KIF26B: variants seen among roughly 807,000 people sequenced by gnomAD.
KIF26B encodes kinesin-like protein KIF26B.
In KIF26B, 63 loss-of-function variants were observed where a neutral mutation model predicts 151.2. The ratio of observed to expected loss-of-function variants is 0.42; its 90% CI spans 0.34 to 0.51. KIF26B has a LOEUF of 0.51. Ranked by LOEUF, KIF26B falls within the 20% of genes least tolerant of loss-of-function variation. The probability of loss-of-function intolerance (pLI) is 0.07; values close to 1 mark genes in which losing one functional copy is unlikely to be tolerated. For synonymous variants in KIF26B, 1,357 were observed against 1,262.1 expected (o/e 1.08, Z -1.59); for missense variants, 2,813 against 2,913.6 (o/e 0.97, Z 0.79).
At position 245,698,930 on chromosome 1, in the gene KIF26B, G is replaced by A. The variant is rs199933797; in HGVS notation, c.6071G>A (p.Arg2024His). 9.1e-5 allele frequency: 147 copies of A among 1,614,008 alleles called. No individual in the cohort carries two copies. The highest frequency in any genetic ancestry group is 1.6e-4 in the Middle Eastern group (1 of 6,062). The change falls in exon 14 of 15, where the codon CGC becomes CAC. Residue 2024 changes from arginine to histidine, a missense_variant. Arg to His is a conservative substitution (Grantham distance 29, BLOSUM62 0). Around this residue, in one of 3 missense-constraint regions of KIF26B, gnomAD observed 2,060 missense variants for 2,088.6 expected, o/e 0.99. Coordinates refer to ENST00000407071, the MANE Select transcript of KIF26B (RefSeq NM_018012.4). This position sits in a 1 kb window ranked among gnomAD's most constrained non-coding sequence, Gnocchi z 4.0. ...FNAKLKILEH[R>H]QQRIAEVRAK... ...GCAAAGCTGAAGATTCTGGAACACC[G>A]CCAGCAGAGGATCGCCGAGGTCCGC...
chr1:245,179,734 C>T (rs1288451093), intron 2 of KIF26B, among the ~76,000 whole-genome samples: 1 of 152,172 alleles, frequency 6.6e-6, no homozygotes, highest in East Asian at 1.9e-4. Context: ...AAGGCTGTGG[C>T]ACAAGAGTGG....
Position 245,521,896 on chromosome 1 carries a change from T to C in KIF26B, c.1167-18871T>C, listed in dbSNP as rs532116857. 4.6e-3 allele frequency among the ~76,000 whole-genome samples: 686 copies of C among 148,478 alleles called. 3 individuals carry two copies. The highest frequency in any genetic ancestry group is 6.8e-3 in the Non-Finnish European group (446 of 65,822). ...TTTTTTTTGTTTTGAGATGGAGTCT[T>C]GCTCTGTCACCCAGGCTGGATGGAG... On this transcript the variant is annotated intron_variant, in intron 4 of 14. Transcript: ENST00000407071.
chr1:245,612,015 T>A (rs375429744), intron 9 of KIF26B, 39 bp downstream of exon 9: 100 of 1,595,186 alleles, frequency 6.3e-5, no homozygotes, highest in Non-Finnish European at 8.2e-5. Context: ...CCTTAGCGGC[T>A]CTGGCCCCAG....
At chr1:245,586,199 T>TGTG (rs1440046570) in intron 5 of KIF26B, among the ~76,000 whole-genome samples, 174 of 118,768 alleles carry the variant, frequency 1.5e-3, no homozygotes, top group African/African-American at 4.1e-3. Context: ...GTGTGTGTGT[T>TGTG]TGTTTTAATA....
chr1:245,653,814 C>A (rs1572180560), intron 10 of KIF26B, among the ~76,000 whole-genome samples: 4 of 152,288 alleles, frequency 2.6e-5, no homozygotes, highest in African/African-American at 9.6e-5. Flanking sequence ...AATCTCAGCA[C>A]TTTGGAAGGC....
At chr1:245,632,209 C>T (rs555637624) in intron 9 of KIF26B, among the ~76,000 whole-genome samples, 3 of 152,068 alleles carry the variant, frequency 2.0e-5, no homozygotes, top group African/African-American at 7.2e-5. Flanking sequence ...TGTTGTATCC[C>T]GTAGGTTTAG....
rs1327722902 is a variant in KIF26B at position 245,564,550 on chromosome 1, T to G, written c.1350+23600T>G. The stretch of plus-strand genomic sequence containing the variant: ...ATTCAAAAGGATAAGAAGGACTCCT[T>G]TCACTGTGCATCTTTAGACGAAGCA... On this transcript the variant is annotated intron_variant, in intron 5 of 14. Transcript: ENST00000407071. This position sits in a 1 kb window ranked among gnomAD's most constrained non-coding sequence, Gnocchi z 4.6. 1.3e-5 allele frequency among the ~76,000 whole-genome samples: 2 copies of G among 152,144 alleles called. No homozygotes were observed. Among genetic ancestry groups the G allele is most frequent in the African/African-American group, 4.8e-5 (2 of 41,408 alleles).
chr1:245,276,018 G>T (rs6658420), intron 2 of KIF26B, among the ~76,000 whole-genome samples: 93,074 of 151,996 alleles, frequency 0.61, 29,555 homozygotes, highest in African/African-American at 0.78. Context: ...CTATTGTATG[G>T]GAAAATTTGC....
At position 245,352,658 on chromosome 1, in the gene KIF26B, A is replaced by AT. The variant is rs58848647; in HGVS notation, c.466-14169dup. Among the ~76,000 whole-genome samples the AT allele has an allele frequency of 0.053, 8,067 of 152,218 alleles. 313 individuals are homozygous for AT. The highest frequency in any genetic ancestry group is 0.11 in the African/African-American group (4,495 of 41,508). On this transcript the variant is annotated intron_variant, in intron 2 of 14. Coordinates refer to ENST00000407071, the MANE Select transcript of KIF26B (RefSeq NM_018012.4). This position sits in a 1 kb window ranked among gnomAD's most constrained non-coding sequence, Gnocchi z 5.0. ...GGACCACAACAATCACTTTACGAAC[A>AT]TTTTTTTAACTTTTTCAGAATCGAT...
chr1:245,316,083 C>T (rs1392412167), intron 2 of KIF26B, among the ~76,000 whole-genome samples: 4 of 151,954 alleles, frequency 2.6e-5, no homozygotes, highest in East Asian at 1.9e-4. Context: ...AGTGGATGAC[C>T]GCACTGCAAG....
rs747644735 is a variant in KIF26B, at chr1:245,688,218, G to A, written c.5235G>A (p.Ala1745=). 2 of 1,588,162 alleles carry A rather than the reference G, an allele frequency of 1.3e-6. No homozygotes were observed. The highest frequency in any genetic ancestry group is 2.2e-5 in the East Asian group (1 of 44,472). ...GACTCCTCCTGGCCAGCCCCAGAGC[G>A]CGCGGCCCGTCCGCCTCCACCACCA... is the stretch of plus-strand genomic sequence containing the variant. ...VSRLLLASPR[A]RGPSASTTKT... is the part of the protein sequence containing the mutation. The change falls in exon 12 of 15, where the codon GCG becomes GCA. Residue 1745 remains alanine (A), a synonymous_variant. Transcript: ENST00000407071.
In KIF26B at chr1:245,698,299, T is replaced by A. The variant is rs2044721199; in HGVS notation, c.6018T>A (p.Gly2006=). ...DVERLQRRRG[G]ASKEAMCFNA... is the part of the protein sequence containing the mutation. ...AGCGCCTGCAGCGGCGACGAGGGGG[T>A]GCCAGCAAGGTGAGGCAGCCTCCTT... The change falls in exon 13 of 15, where the codon GGT becomes GGA. Residue 2006 remains glycine, a synonymous_variant. Coordinates refer to ENST00000407071, the MANE Select transcript of KIF26B (RefSeq NM_018012.4). This position sits in a 1 kb window ranked among gnomAD's most constrained non-coding sequence, Gnocchi z 4.0. 1 of 1,612,998 alleles carries A rather than the reference T, an allele frequency of 6.2e-7. No homozygotes were observed. Among genetic ancestry groups the A allele is most frequent in the Non-Finnish European group, 8.5e-7 (1 of 1,179,754 alleles).
chr1:245,571,555 T>A (rs17885305), intron 5 of KIF26B, among the ~76,000 whole-genome samples: 24,223 of 152,238 alleles, frequency 0.16, 2,136 homozygotes, highest in Middle Eastern at 0.2. Context: ...GCCTGTCCAT[T>A]AGCTTTTGCC....
intron 2 of KIF26B, among the ~76,000 whole-genome samples, chr1:245,356,141 C>T (rs1672692391): frequency 6.6e-6 from 1 of 152,086 alleles, no homozygotes; most frequent in South Asian, 2.1e-4. Flanking sequence ...AGAAACAGGC[C>T]CTAGAGGCTT....
intron 2 of KIF26B, among the ~76,000 whole-genome samples, chr1:245,323,300 A>C (rs1671922505): frequency 6.6e-6 from 1 of 152,128 alleles, no homozygotes; most frequent in South Asian, 2.1e-4. Context: ...GTCTCTCAGA[A>C]GGGGGATGTC....
chr1:245,233,250 G>C (rs987284811), intron 2 of KIF26B, among the ~76,000 whole-genome samples: 4 of 152,202 alleles, frequency 2.6e-5, no homozygotes, highest in Non-Finnish European at 5.9e-5. Flanking sequence ...TTTGCCTTGT[G>C]AATGTGTTAC....
At chr1:245,191,087 AGAG>A (rs1387564949) in intron 2 of KIF26B, among the ~76,000 whole-genome samples, 1 of 135,468 alleles carries the variant, frequency 7.4e-6, no homozygotes, top group Non-Finnish European at 1.6e-5. Flanking sequence ...AAAAAAAAAA[AGAG>A]ATAAGAACCA....
At chr1:245,173,724 G>C (rs1032081110) in intron 2 of KIF26B, among the ~76,000 whole-genome samples, 2 of 152,212 alleles carry the variant, frequency 1.3e-5, no homozygotes. Flanking sequence ...TTGGGGCCAG[G>C]TGAATGGCTA....
At chr1:245,390,361 G>T (rs571152244) in intron 3 of KIF26B, among the ~76,000 whole-genome samples, 23 of 152,012 alleles carry the variant, frequency 1.5e-4, no homozygotes, top group Non-Finnish European at 2.6e-4. Context: ...GTGACTACAG[G>T]TGCCCGCCAC....
Sources: allele counts gnomAD v4.1 joint callset (sites outside exome capture counted in the v4.1 genomes callset), GRCh38; gene constraint gnomAD v4.1.1; regional missense constraint gnomAD v4.1.1; non-coding constraint Gnocchi (gnomAD v3.1); transcripts MANE v1.5; gene names NCBI Gene and HGNC (gene_info 2026-07-23, HGNC 2026-07-21).